Variants in MBD5 observed in about 807,000 individuals in gnomAD.
MBD5 encodes methyl-CpG-binding domain protein 5.
In MBD5, 13 loss-of-function variants were observed where a neutral mutation model predicts 117.3. That is an observed-to-expected ratio of 0.11 (90% CI 0.07 to 0.18). MBD5 has a LOEUF of 0.18. Among genes scored for constraint, MBD5 ranks in the 10% least tolerant of loss-of-function variants. The pLI, the probability that MBD5 is intolerant of heterozygous loss-of-function variation, is 1.00. For missense variants in MBD5, 1,879 were observed against 2,093.8 expected (o/e 0.90, Z 2.00); for synonymous variants, 727 against 766.4 (o/e 0.95, Z 0.85).
In MBD5 at chr2:148,505,685, C is replaced by A. The variant is rs140992335; in HGVS notation, c.5036+3176C>A. ...TGTAGATTATTTACTCTTCTTTCTA[C>A]CCATAATGTGAAAAATTCCTGAAAA... On this transcript the variant is annotated intron_variant, in intron 12 of 13. Transcript: ENST00000642680. 3.8e-3 allele frequency among the ~76,000 whole-genome samples: 572 copies of A among 152,128 alleles called. 9 individuals carry two copies. The highest frequency in any genetic ancestry group is 0.032 in the Admixed American group (495 of 15,288).
At chr2:148,241,716 A>G (rs1445815628) in intron 3 of MBD5, among the ~76,000 whole-genome samples, 1 of 151,966 alleles carries the variant, frequency 6.6e-6, no homozygotes, top group Non-Finnish European at 1.5e-5. Context: ...CTCATATACC[A>G]TTGTACCTCA....
intron 8 of MBD5, among the ~76,000 whole-genome samples, chr2:148,477,343 C>T (rs1384271040): frequency 6.6e-6 from 1 of 152,096 alleles, no homozygotes; most frequent in Non-Finnish European, 1.5e-5. Context: ...TCTTCTCTAC[C>T]TTCTCCTAAG....
At chr2:148,314,178 T>G (rs1702100753) in intron 3 of MBD5, among the ~76,000 whole-genome samples, 1 of 151,982 alleles carries the variant, frequency 6.6e-6, no homozygotes, top group South Asian at 2.1e-4. Context: ...GTAAACTGTC[T>G]GTCATAGATC....
chr2:148,347,836 T>A (rs1054805420), intron 4 of MBD5, among the ~76,000 whole-genome samples: 7 of 151,936 alleles, frequency 4.6e-5, no homozygotes, highest in Non-Finnish European at 8.8e-5. Flanking sequence ...AAGGGGCCCA[T>A]GATGGCAGAA....
intron 11 of MBD5, among the ~76,000 whole-genome samples, chr2:148,492,490 A>G (rs1681559637): frequency 6.6e-6 from 1 of 152,088 alleles, no homozygotes; most frequent in Non-Finnish European, 1.5e-5. Flanking sequence ...AACTGAAAAC[A>G]TGTAATAAAA....
chr2:148,093,200 C>T (rs1220638615), intron 1 of MBD5, among the ~76,000 whole-genome samples: 3 of 152,100 alleles, frequency 2.0e-5, no homozygotes, highest in Admixed American at 6.5e-5. Context: ...AGTGAGCCAC[C>T]GCACCTGGCT....
chr2:148,070,524 T>A (rs1484827297), intron 1 of MBD5, among the ~76,000 whole-genome samples: 1 of 152,168 alleles, frequency 6.6e-6, no homozygotes, highest in East Asian at 1.9e-4. Flanking sequence ...GTACCAAGAT[T>A]ACTTAATAGA....
At chr2:148,434,644 T>C (rs913568032) in intron 4 of MBD5, among the ~76,000 whole-genome samples, 2 of 152,170 alleles carry the variant, frequency 1.3e-5, no homozygotes, top group Non-Finnish European at 2.9e-5. Context: ...TTTGGTTCTT[T>C]GCATTTGCGA....
chr2:148,184,023 A>ATTT (rs11404995), intron 2 of MBD5, among the ~76,000 whole-genome samples: 4 of 140,938 alleles, frequency 2.8e-5, no homozygotes, highest in Non-Finnish European at 4.6e-5. Flanking sequence ...ATCCTTCTTA[A>ATTT]TTTTTTTTTT....
Position 148,306,240 on chromosome 2 carries a change from C to G in MBD5, c.-679-35974C>G, listed in dbSNP as rs188224198. 2.1e-3 allele frequency among the ~76,000 whole-genome samples: 321 copies of G among 152,192 alleles called. 5 individuals are homozygous for G. Among genetic ancestry groups the G allele is most frequent in the Middle Eastern group, 6.8e-3 (2 of 294 alleles). ...CCTCCCAGGAAGAGACTTCTGTATT[C>G]AATTGTAAGAACGGGAACCCTGTAA... On this transcript the variant is annotated intron_variant, in intron 3 of 13. Transcript: ENST00000642680.
At chr2:148,294,501 G>GTTTTTTTTTTTTTGTTTTTTTTTT (rs761709621) in intron 3 of MBD5, among the ~76,000 whole-genome samples, 2 of 113,216 alleles carry the variant, frequency 1.8e-5, no homozygotes, top group African/African-American at 3.7e-5. Context: ...TGGGATTACA[G>GTTTTTTTTTTTTTGTTTTTTTTTT]TTTTTTTTTT....
At chr2:148,311,063 T>C (rs1428805005) in intron 3 of MBD5, among the ~76,000 whole-genome samples, 1 of 152,128 alleles carries the variant, frequency 6.6e-6, no homozygotes, top group South Asian at 2.1e-4. Flanking sequence ...GTTTTACTTC[T>C]AATTATGTGG....
chr2:148,500,522 G>A (rs1681840669), intron 11 of MBD5, among the ~76,000 whole-genome samples: 1 of 152,034 alleles, frequency 6.6e-6, no homozygotes, highest in African/African-American at 2.4e-5. Flanking sequence ...CACAAGAAAT[G>A]TTTTTACTGT....
chr2:148,361,881 A>G (rs1019010338), intron 4 of MBD5, among the ~76,000 whole-genome samples: 1 of 152,192 alleles, frequency 6.6e-6, no homozygotes, highest in Non-Finnish European at 1.5e-5. Flanking sequence ...GGGAAGCACA[A>G]GGGGTTGGGG....
chr2:148,172,671 T>A (rs907352681), intron 1 of MBD5, among the ~76,000 whole-genome samples: 4 of 152,100 alleles, frequency 2.6e-5, no homozygotes, highest in Non-Finnish European at 4.4e-5. Context: ...TAGTTCCAGG[T>A]GGAGTCTGCC....
At chr2:148,438,670 G>A (rs953761784) in intron 4 of MBD5, among the ~76,000 whole-genome samples, 24 of 152,162 alleles carry the variant, frequency 1.6e-4, no homozygotes, top group African/African-American at 5.5e-4. Flanking sequence ...ATTATGATGG[G>A]TGAAAAGTCT....
intron 3 of MBD5, among the ~76,000 whole-genome samples, chr2:148,331,066 T>C (rs1702632106): frequency 6.6e-6 from 1 of 152,214 alleles, no homozygotes; most frequent in Non-Finnish European, 1.5e-5. Flanking sequence ...AAAGTAGTGA[T>C]GTTTACATAT....
intron 3 of MBD5, among the ~76,000 whole-genome samples, chr2:148,325,385 G>T (rs967586959): frequency 3.9e-5 from 6 of 152,090 alleles, no homozygotes; most frequent in East Asian, 1.9e-4. Context: ...TTTTTCTATT[G>T]ATTGGAATAG....
intron 3 of MBD5, among the ~76,000 whole-genome samples, chr2:148,284,119 G>A (rs1271142479): frequency 6.6e-6 from 1 of 151,926 alleles, no homozygotes; most frequent in African/African-American, 2.4e-5. Flanking sequence ...TTTTTTTACT[G>A]AACAATTTAT....
Sources: gnomAD v4.1 joint callset for allele counts (sites outside exome capture counted in the v4.1 genomes callset) on GRCh38, gnomAD v4.1.1 for gene constraint, MANE v1.5 for transcripts, NCBI Gene and HGNC (gene_info 2026-07-23, HGNC 2026-07-21) for gene names.